Variants in RIMBP2 observed in about 807,000 individuals in gnomAD.
The protein encoded by RIMBP2 is RIMS binding protein 2.
Under a neutral mutation model 118.6 loss-of-function variants are expected in RIMBP2, and 48 were observed. That is an observed-to-expected ratio of 0.40 (90% confidence interval 0.32 to 0.51). The LOEUF (loss-of-function observed/expected upper bound fraction) is 0.51, where lower values mean the gene tolerates loss of function less well. Among genes scored for constraint, RIMBP2 ranks in the 20% least tolerant of loss-of-function variants. The pLI, the probability that RIMBP2 is intolerant of heterozygous loss-of-function variation, is 0.41. For missense variants in RIMBP2, 1,551 were observed against 1,768.3 expected, an observed-to-expected ratio of 0.88 and a Z score of 2.20; for synonymous variants, 762 against 742.9, an observed-to-expected ratio of 1.03 and a Z score of -0.42.
At chr12:130,645,954 A>C (rs2062855541) in intron 1 of RIMBP2, among the ~76,000 whole-genome samples, 1 of 152,092 alleles carries the variant, frequency 6.6e-6, no homozygotes. Flanking sequence ...TTGCACTCCT[A>C]TGCTTTTAAA....
Position 130,606,660 on chromosome 12 carries a change from T to C in RIMBP2, c.-217+21662A>G, listed in dbSNP as rs150040913. ...CTGCACTTCATGAGCTGTAAACTGT[T>C]GGAGCAAGCGGTAGAGATCATGAAC... On this transcript the variant is annotated intron_variant, in intron 2 of 22. Transcript: ENST00000690449. Among the ~76,000 whole-genome samples, 354 of 152,286 alleles carry C rather than the reference T, an allele frequency of 2.3e-3. 1 individual carries two copies. The highest frequency in any genetic ancestry group is 8.3e-3 in the African/African-American group (343 of 41,568).
At chr12:130,579,590 T>C (rs2140165728) in intron 2 of RIMBP2, among the ~76,000 whole-genome samples, 1 of 152,276 alleles carries the variant, frequency 6.6e-6, no homozygotes, top group Middle Eastern at 3.4e-3. Flanking sequence ...AGTATGACTG[T>C]GGGCTGAGTC....
chr12:130,653,900 T>C (rs2063326365), intron 1 of RIMBP2, among the ~76,000 whole-genome samples: 1 of 152,194 alleles, frequency 6.6e-6, no homozygotes, highest in Admixed American at 6.5e-5. Context: ...GGGAGCAGTG[T>C]CCTGAAGCTG....
chr12:130,660,111 C>G (rs7974514), intron 1 of RIMBP2: 78,939 of 150,874 alleles, frequency 0.52, 21,712 homozygotes, highest in Non-Finnish European at 0.62. Flanking sequence ...CTCAAGCAGT[C>G]CACCTGCCTC....
chr12:130,674,789 C>T (rs909023784), intron 1 of RIMBP2, among the ~76,000 whole-genome samples: 2 of 152,058 alleles, frequency 1.3e-5, no homozygotes, highest in African/African-American at 4.8e-5. Flanking sequence ...CGCCCCTGCA[C>T]CCTCCATCAG....
At chr12:130,706,743 G>GT (rs140095057) in intron 1 of RIMBP2, among the ~76,000 whole-genome samples, 2,285 of 152,332 alleles carry the variant, frequency 0.015, 61 homozygotes, top group African/African-American at 0.052. Context: ...CAGGCCTGGG[G>GT]TACGGTGAGG....
Position 130,450,586 on chromosome 12 carries a change from G to A in RIMBP2, c.505-310C>T, listed in dbSNP as rs568736740. 3.3e-5 allele frequency among the ~76,000 whole-genome samples: 5 copies of A among 152,068 alleles called. No individual in the cohort carries two copies. Among genetic ancestry groups the A allele is most frequent in the East Asian group, 2.0e-4 (1 of 5,128 alleles). ...TACAGCAATCCCGGGAGTCAGCGGC[G>A]TGGCCTTTTCTCATAGGGGTGGGGG... On this transcript the variant is annotated intron_variant, in intron 8 of 22. Coordinates refer to ENST00000690449, the MANE Select transcript of RIMBP2 (RefSeq NM_001393629.1). The surrounding 1 kb of genome is among the most constrained non-coding windows in gnomAD (Gnocchi z 4.8).
chr12:130,686,041 T>C (rs1320965840), intron 1 of RIMBP2, among the ~76,000 whole-genome samples: 1 of 152,114 alleles, frequency 6.6e-6, no homozygotes, highest in Non-Finnish European at 1.5e-5. Flanking sequence ...CTTGCCACCG[T>C]GGCCCCAGCG....
At chr12:130,629,181 G>A (rs1380956030) in intron 1 of RIMBP2, among the ~76,000 whole-genome samples, 1 of 152,226 alleles carries the variant, frequency 6.6e-6, no homozygotes, top group Non-Finnish European at 1.5e-5. Context: ...CAAAAAGCTT[G>A]CTGATATCCT....
intron 1 of RIMBP2, among the ~76,000 whole-genome samples, chr12:130,658,970 C>T (rs1402444427): frequency 2.6e-5 from 4 of 152,018 alleles, no homozygotes; most frequent in Non-Finnish European, 4.4e-5. Context: ...TCCCTTCCTC[C>T]ACCATGCCAA....
rs115769908 is a variant in RIMBP2 at position 130,620,220 on chromosome 12, A to C, written c.-217+8102T>G. ...AAGACCGAAGTGGTGGCAGTTAAAC[A>C]ATCAGTCCCCTGAATTTAAATCTTG... On this transcript the variant is annotated intron_variant, in intron 2 of 22. Transcript: ENST00000690449. This position sits in a 1 kb window ranked among gnomAD's most constrained non-coding sequence, Gnocchi z 5.3. Among the ~76,000 whole-genome samples the C allele has an allele frequency of 1.3e-5, 2 of 152,128 alleles. No homozygotes were observed. Among genetic ancestry groups the C allele is most frequent in the Non-Finnish European group, 2.9e-5 (2 of 68,030 alleles).
intron 1 of RIMBP2, among the ~76,000 whole-genome samples, chr12:130,678,429 G>A (rs1279963767): frequency 6.6e-6 from 1 of 152,244 alleles, no homozygotes. Flanking sequence ...GGGGCGAAGT[G>A]CCCGCTCAGG....
At chr12:130,551,408 G>A (rs144654004) in intron 2 of RIMBP2, among the ~76,000 whole-genome samples, 2 of 152,280 alleles carry the variant, frequency 1.3e-5, no homozygotes, top group Admixed American at 1.3e-4. Flanking sequence ...TGTCTTATCT[G>A]TGTTCATGGG....
intron 1 of RIMBP2, among the ~76,000 whole-genome samples, chr12:130,712,169 A>G (rs368696833): frequency 7.6e-4 from 115 of 152,298 alleles, no homozygotes; most frequent in Non-Finnish European, 1.3e-3. Context: ...GTGTCTGTAG[A>G]CCCTACAGAG....
rs568395949 is a variant in RIMBP2, at chr12:130,435,736, A to G, written c.2107-856T>C. On this transcript the variant is annotated intron_variant, in intron 13 of 22. Coordinates refer to ENST00000690449, the MANE Select transcript of RIMBP2 (RefSeq NM_001393629.1). The stretch of plus-strand genomic sequence containing the variant: ...TATTTTTATTAGTGGCCAATGTCGA[A>G]CGAATTAGCAAATTTCACAGAAAAT... 3.3e-5 allele frequency among the ~76,000 whole-genome samples: 5 copies of G among 152,372 alleles called. No homozygotes were observed. The South Asian group carries it at 1.0e-3, about 32-fold the overall frequency.
Position 130,442,840 on chromosome 12 carries a change from C to T in RIMBP2, c.692-180G>A, listed in dbSNP as rs1315946153. On this transcript the variant is annotated intron_variant, in intron 10 of 22. Coordinates refer to ENST00000690449, the MANE Select transcript of RIMBP2 (RefSeq NM_001393629.1). This position sits in a 1 kb window ranked among gnomAD's most constrained non-coding sequence, Gnocchi z 6.9. Reference sequence around the variant, plus strand: ...AGCTCCACACCCACCATCTAAAGAGCCAGCTCCTCCATCCCCGTGGCCCAG... The same window carrying T: ...AGCTCCACACCCACCATCTAAAGAGTCAGCTCCTCCATCCCCGTGGCCCAG... Among the ~76,000 whole-genome samples, 1 of 152,200 alleles carries T rather than the reference C, an allele frequency of 6.6e-6. No homozygotes were observed. The highest frequency in any genetic ancestry group is 2.4e-5 in the African/African-American group (1 of 41,438).
At chr12:130,456,397 C>T in intron 7 of RIMBP2, 99 bp downstream of exon 7, 1 of 1,019,942 alleles carries the variant, frequency 9.8e-7, no homozygotes, top group Non-Finnish European at 1.4e-6. Context: ...TACCCTCTGC[C>T]AGGTGTCACC....
rs149830052 is a variant in RIMBP2, at chr12:130,631,159, C to T, written c.-351-2703G>A. Among the ~76,000 whole-genome samples the T allele has an allele frequency of 2.5e-3, 374 of 152,100 alleles. 2 individuals are homozygous for T. Among genetic ancestry groups the T allele is most frequent in the South Asian group, 1.0e-2 (48 of 4,824 alleles). On this transcript the variant is annotated intron_variant, in intron 1 of 22. Transcript: ENST00000690449. The stretch of plus-strand genomic sequence containing the variant: ...GAAAAGCTTTTGATATCAGAAAGAA[C>T]GGGAGAAGAGTTTTTAATATGTGGA...
intron 5 of RIMBP2, among the ~76,000 whole-genome samples, chr12:130,473,645 C>T (rs2081195099): frequency 1.3e-5 from 2 of 152,198 alleles, no homozygotes; most frequent in Admixed American, 1.3e-4. Flanking sequence ...GTCAGTGAGA[C>T]TCAAGGAACT....
Sources: gnomAD v4.1 joint callset for allele counts (sites outside exome capture counted in the v4.1 genomes callset) on GRCh38, gnomAD v4.1.1 for gene constraint, Gnocchi (gnomAD v3.1) non-coding constraint, MANE v1.5 for transcripts, NCBI Gene and HGNC (gene_info 2026-07-23, HGNC 2026-07-21) for gene names.